FYB2: variants seen among roughly 807,000 people sequenced by gnomAD.
The protein encoded by FYB2 is FYN binding protein 2.
Under a neutral mutation model 94.1 loss-of-function variants are expected in FYB2, and 103 were observed. That is an observed-to-expected ratio of 1.09 (90% CI 0.93 to 1.29). The LOEUF is 1.29. FYB2 is among the 50% of genes most tolerant of loss of function. FYB2 has a pLI of 0.00. For synonymous variants in FYB2, 293 were observed against 287.9 expected, an observed-to-expected ratio of 1.02 and a Z score of -0.18; for missense variants, 896 against 841.5, an observed-to-expected ratio of 1.06 and a Z score of -0.80.
In FYB2 at chr1:56,740,714, C is replaced by G. The variant is rs772811670; in HGVS notation, c.1686G>C (p.Lys562Asn). 19 of 1,601,164 alleles carry G rather than the reference C, an allele frequency of 1.2e-5. No individual in the cohort carries two copies. The South Asian group carries it at 2.0e-4, about 17-fold the overall frequency. ...CTTTTTACCTTAAGTTTTCTTTCGA[C>G]TTGGTTTTCTTTATTTTAAATCTAT... is the stretch of plus-strand genomic sequence containing the variant. The part of the protein sequence containing the change: ...EKDRFKIKKT[K>N]SKENLSAFSI... Residue 562 changes from lysine (K) to asparagine (N), a missense_variant, in exon 13 of 20, where the codon AAG (lysine) becomes AAC (asparagine). Lys to Asn is a moderately conservative substitution (Grantham distance 94). Transcript: ENST00000343433.
chr1:56,803,233 C>G (rs377685879), intron 1 of FYB2, among the ~76,000 whole-genome samples: 1 of 152,124 alleles, frequency 6.6e-6, no homozygotes, highest in Non-Finnish European at 1.5e-5. Flanking sequence ...TATAGTAAAA[C>G]ATATTAATGT....
chr1:56,782,267 C>A (rs1056570733), intron 4 of FYB2, among the ~76,000 whole-genome samples: 1 of 151,988 alleles, frequency 6.6e-6, no homozygotes, highest in African/African-American at 2.4e-5. Flanking sequence ...CTTTCTTGAC[C>A]ATCCTAAGCT....
At chr1:56,740,503 C>A (rs573601207) in intron 13 of FYB2, among the ~76,000 whole-genome samples, 194 bp downstream of exon 13, 1 of 151,994 alleles carries the variant, frequency 6.6e-6, no homozygotes, top group Non-Finnish European at 1.5e-5. Flanking sequence ...AAGGAGCATG[C>A]CACTTTCTCA....
chr1:56,726,118 C>CT (rs901874922), intron 16 of FYB2, among the ~76,000 whole-genome samples: 97 of 151,682 alleles, frequency 6.4e-4, no homozygotes, highest in African/African-American at 2.2e-3. Context: ...TGATACCTAA[C>CT]TTTTTTTTTC....
intron 1 of FYB2, among the ~76,000 whole-genome samples, chr1:56,804,185 A>C (rs574458075): frequency 6.6e-6 from 1 of 152,204 alleles, no homozygotes; most frequent in Non-Finnish European, 1.5e-5. Context: ...ATTCAAGTAG[A>C]TGCTTCATCT....
intron 2 of FYB2, among the ~76,000 whole-genome samples, chr1:56,791,342 G>A (rs1165373320): frequency 6.6e-6 from 1 of 150,892 alleles, no homozygotes; most frequent in African/African-American, 2.4e-5. Flanking sequence ...TACAACCTCT[G>A]CCTCCCAGGT....
At chr1:56,736,613 G>T (rs1354641678) in intron 15 of FYB2, among the ~76,000 whole-genome samples, 1 of 151,720 alleles carries the variant, frequency 6.6e-6, no homozygotes, top group Non-Finnish European at 1.5e-5. Context: ...ATGGGATTTT[G>T]CCATGTTTCT....
At chr1:56,792,976 G>A (rs1167671528) in intron 1 of FYB2, among the ~76,000 whole-genome samples, 173 bp from the exon 2 acceptor site, 1 of 152,104 alleles carries the variant, frequency 6.6e-6, no homozygotes, top group Non-Finnish European at 1.5e-5. Context: ...TCTGGGCAAT[G>A]TTAGCCAGCA....
rs77835654 is a variant in FYB2, at chr1:56,743,388, A to T, written c.1543+638T>A. Reference sequence around the variant, plus strand: ...ATTACAACTGTGACAAGTACTATGAAAAAGAAGTCCATGGTACTATGAGAT... The same window carrying T: ...ATTACAACTGTGACAAGTACTATGATAAAGAAGTCCATGGTACTATGAGAT... On this transcript the variant is annotated intron_variant, in intron 11 of 19. Transcript: ENST00000343433. Among the ~76,000 whole-genome samples the T allele has an allele frequency of 5.0e-3, 755 of 152,148 alleles. 35 individuals are homozygous for T. In the East Asian group the frequency reaches 0.097, roughly 19 times the overall value.
intron 4 of FYB2, among the ~76,000 whole-genome samples, chr1:56,786,912 T>C (rs1478415996): frequency 6.6e-6 from 1 of 152,200 alleles, no homozygotes; most frequent in Non-Finnish European, 1.5e-5. Context: ...GGGTGATGTT[T>C]CAATTTACTG....
At chr1:56,741,782 C>G (rs1452191304) in intron 12 of FYB2, among the ~76,000 whole-genome samples, 1 of 151,910 alleles carries the variant, frequency 6.6e-6, no homozygotes, top group Non-Finnish European at 1.5e-5. Flanking sequence ...AAGTCATAAC[C>G]ATTAATTTGT....
upstream of FYB2, chr1:56,824,258 T>C (rs1356608771): frequency 2.0e-5 from 3 of 152,316 alleles, no homozygotes; most frequent in African/African-American, 7.2e-5. Flanking sequence ...ACTGCAGTTT[T>C]TGTGTCTCGT....
At chr1:56,821,993 T>C (rs769301936), upstream of FYB2, among the ~76,000 whole-genome samples, 6 of 152,196 alleles carry the variant, frequency 3.9e-5, no homozygotes, top group African/African-American at 7.2e-5. Flanking sequence ...AATCCTGCTA[T>C]ATCCAAGGTG....
At chr1:56,731,970 A>G (rs1377285140) in intron 15 of FYB2, 1 of 152,126 alleles carries the variant, frequency 6.6e-6, no homozygotes, top group African/African-American at 2.4e-5. Flanking sequence ...ACAAAGTACT[A>G]GAAGTTCCAG....
At chr1:56,821,783 T>C (rs1646994370), upstream of FYB2, among the ~76,000 whole-genome samples, 1 of 152,162 alleles carries the variant, frequency 6.6e-6, no homozygotes, top group Admixed American at 6.5e-5. Context: ...CCCCATCCCA[T>C]AAGTGGCAGA....
chr1:56,737,221 C>A (rs1328791946), intron 14 of FYB2, 74 bp from the exon 15 acceptor site: 1 of 1,088,114 alleles, frequency 9.2e-7, no homozygotes, highest in Non-Finnish European at 1.3e-6. Flanking sequence ...CCAAATTATA[C>A]TCAATTACCT....
At chr1:56,814,806 T>C (rs1320436428) in intron 1 of FYB2, among the ~76,000 whole-genome samples, 1 of 151,852 alleles carries the variant, frequency 6.6e-6, no homozygotes, top group Non-Finnish European at 1.5e-5. Flanking sequence ...TACCCTATCT[T>C]GTGACTTATT....
intron 7 of FYB2, among the ~76,000 whole-genome samples, chr1:56,755,210 T>G (rs1645296744): frequency 6.6e-6 from 1 of 151,944 alleles, no homozygotes; most frequent in Admixed American, 6.6e-5. Flanking sequence ...CCAAAAACAT[T>G]AAAACATTGG....
chr1:56,758,750 G>C lies in FYB2; in HGVS notation c.1064C>G (p.Pro355Arg). ...NLCTAKEIAD[P>R]TYEVGIEELQ... ...TTCTTCAATTCCAACTTCATAAGTT[G>C]CTAAAGTAAACATAAAAAAATTATT... is the stretch of plus-strand genomic sequence containing the variant. Residue 355 changes from proline (P) to arginine (R), a missense_variant and splice_region_variant, in exon 6 of 20, where the codon CCA (proline) becomes CGA (arginine). Coordinates refer to ENST00000343433, the MANE Select transcript of FYB2 (RefSeq NM_001004303.5). 1 of 1,595,938 alleles carries C rather than the reference G, an allele frequency of 6.3e-7. No homozygotes were observed. Among genetic ancestry groups the C allele is most frequent in the Admixed American group, 1.7e-5 (1 of 58,292 alleles).
Sources: gnomAD v4.1 joint callset for allele counts (sites outside exome capture counted in the v4.1 genomes callset) on GRCh38, gnomAD v4.1.1 for gene constraint, MANE v1.5 for transcripts, NCBI Gene and HGNC (gene_info 2026-07-23, HGNC 2026-07-21) for gene names.